STRBP: variants seen among roughly 807,000 people sequenced by gnomAD.
STRBP encodes spermatid perinuclear RNA-binding protein.
A neutral mutation model predicts 80.1 loss-of-function variants in STRBP; 13 were observed. The ratio of observed to expected loss-of-function variants is 0.16; its 90% CI spans 0.11 to 0.26. The LOEUF (loss-of-function observed/expected upper bound fraction) is 0.26. Ranked by LOEUF, STRBP falls within the 10% of genes least tolerant of loss-of-function variation. The pLI is 1.00. For missense variants in STRBP, 485 were observed against 815.2 expected, an observed-to-expected ratio of 0.59 and a Z score of 4.93; for synonymous variants, 284 against 291.2, an observed-to-expected ratio of 0.98 and a Z score of 0.25.
chr9:123,187,340 T>C (rs2038739820), intron 2 of STRBP, among the ~76,000 whole-genome samples: 1 of 152,024 alleles, frequency 6.6e-6, no homozygotes, highest in Non-Finnish European at 1.5e-5. Context: ...GCTTTGTCAC[T>C]TCCCTTATCT....
intron 3 of STRBP, among the ~76,000 whole-genome samples, chr9:123,179,946 T>C (rs999263177): frequency 1.3e-5 from 2 of 152,064 alleles, no homozygotes; most frequent in African/African-American, 4.8e-5. Context: ...CAAAGACTTC[T>C]AACCTTAGAA....
chr9:123,220,664 CCAACAAGT>C (rs1322426907), intron 2 of STRBP, among the ~76,000 whole-genome samples: 20 of 152,186 alleles, frequency 1.3e-4, no homozygotes, highest in African/African-American at 4.8e-4. Flanking sequence ...ACAATAGACT[CCAACAAGT>C]CAACAATGTA....
intron 3 of STRBP, chr9:123,111,421 GAA>G (rs1187463312): frequency 1.9e-5 from 6 of 309,612 alleles, no homozygotes; most frequent in Middle Eastern, 4.7e-4. Context: ...ACAAGGAAAA[GAA>G]AAAGAGTCTG....
At chr9:123,140,365 CGGGT>C (rs2036538172) in intron 13 of STRBP, among the ~76,000 whole-genome samples, 1 of 152,144 alleles carries the variant, frequency 6.6e-6, no homozygotes, top group South Asian at 2.1e-4. Context: ...GAAGCCAAGG[CGGGT>C]GGATCATTTG....
chr9:123,143,434 A>C (rs912046023), intron 13 of STRBP, among the ~76,000 whole-genome samples: 1 of 152,232 alleles, frequency 6.6e-6, no homozygotes, highest in African/African-American at 2.4e-5. Flanking sequence ...TGATTCTCTG[A>C]TGTGATTTGT....
At chr9:123,193,274 A>C (rs1040181298) in intron 2 of STRBP, among the ~76,000 whole-genome samples, 28 of 152,190 alleles carry the variant, frequency 1.8e-4, no homozygotes, top group African/African-American at 6.5e-4. Flanking sequence ...ATAGAATTTG[A>C]ATTCAACCCT....
At chr9:123,201,002 C>G (rs28881596) in intron 2 of STRBP, among the ~76,000 whole-genome samples, 2,351 of 151,934 alleles carry the variant, frequency 0.015, 55 homozygotes, top group East Asian at 0.072. Flanking sequence ...TTTCCTCTGG[C>G]TTTTCTAGTT....
At chr9:123,163,714 T>C (rs1242376148) in intron 6 of STRBP, among the ~76,000 whole-genome samples, 1 of 152,182 alleles carries the variant, frequency 6.6e-6, no homozygotes, top group Non-Finnish European at 1.5e-5. Flanking sequence ...TAATATACAG[T>C]TTTATGTATG....
At chr9:123,160,517 G>A (rs2037479470) in intron 7 of STRBP, 55 bp from the exon 8 acceptor site, 5 of 1,410,564 alleles carry the variant, frequency 3.5e-6, no homozygotes, top group African/African-American at 2.9e-5. Flanking sequence ...TCTTCATTTT[G>A]GGCAAGTTCT....
intron 2 of STRBP, among the ~76,000 whole-genome samples, chr9:123,187,443 C>G (rs2038743392): frequency 6.6e-6 from 1 of 152,030 alleles, no homozygotes; most frequent in Admixed American, 6.6e-5. Flanking sequence ...TAATATCTTA[C>G]AAATAGTATA....
intron 2 of STRBP, among the ~76,000 whole-genome samples, chr9:123,202,331 TC>T (rs1184110074): frequency 2.0e-5 from 3 of 152,272 alleles, no homozygotes; most frequent in African/African-American, 7.2e-5. Context: ...TTTTAAGCTT[TC>T]CACTTTGGTG....
chr9:123,267,473 G>A (rs2041295000), intron 1 of STRBP, among the ~76,000 whole-genome samples: 1 of 149,966 alleles, frequency 6.7e-6, no homozygotes, highest in African/African-American at 2.5e-5. Flanking sequence ...CCAGATACCT[G>A]CCTTTTTATC....
intron 6 of STRBP, chr9:123,168,063 C>G (rs964960369): frequency 4.0e-6 from 1 of 250,400 alleles, no homozygotes; most frequent in Non-Finnish European, 6.3e-6. Flanking sequence ...ATTAACTTAG[C>G]CTTTGGCAAC....
At chr9:123,166,425 A>G (rs2037761145) in intron 6 of STRBP, among the ~76,000 whole-genome samples, 1 of 152,180 alleles carries the variant, frequency 6.6e-6, no homozygotes, top group African/African-American at 2.4e-5. Context: ...TAAAACGAGG[A>G]AACCTACCCA....
intron 2 of STRBP, among the ~76,000 whole-genome samples, chr9:123,236,136 C>A (rs1420224797): frequency 6.6e-6 from 1 of 152,154 alleles, no homozygotes; most frequent in Non-Finnish European, 1.5e-5. Flanking sequence ...ACTCCTCCAG[C>A]TGCTCTAAAG....
chr9:123,176,360 G>A (rs1156711620), intron 4 of STRBP, among the ~76,000 whole-genome samples: 1 of 152,134 alleles, frequency 6.6e-6, no homozygotes, highest in Non-Finnish European at 1.5e-5. Flanking sequence ...TTATTCACAG[G>A]AAACTGAAGA....
chr9:123,177,612 G>C (rs2132446440), intron 4 of STRBP, among the ~76,000 whole-genome samples: 1 of 152,176 alleles, frequency 6.6e-6, no homozygotes, highest in Middle Eastern at 3.4e-3. Flanking sequence ...TAAAAGTATG[G>C]AGCATATTAT....
In STRBP at chr9:123,156,052, C is replaced by G. The variant is rs190089062; in HGVS notation, c.1045+1960G>C. Among the ~76,000 whole-genome samples the G allele has an allele frequency of 1.7e-4, 26 of 149,782 alleles. No individual in the cohort carries two copies. In the East Asian group the frequency reaches 4.5e-3, roughly 26 times the overall value. ...AACTGACAAACCAGCAGTTCCCAAA[C>G]TTTTGAGAAAGATCTTTAAAGTTAA... On this transcript the variant is annotated intron_variant, in intron 11 of 18. Transcript: ENST00000348403.
intron 1 of STRBP, among the ~76,000 whole-genome samples, chr9:123,253,059 C>T (rs1241614232): frequency 6.6e-6 from 1 of 152,176 alleles, no homozygotes; most frequent in African/African-American, 2.4e-5. Context: ...TTATGCTTCA[C>T]TGGAATTGAA....
Sources: allele counts gnomAD v4.1 joint callset (sites outside exome capture counted in the v4.1 genomes callset), GRCh38; gene constraint gnomAD v4.1.1; transcripts MANE v1.5; gene names NCBI Gene and HGNC (gene_info 2026-07-23, HGNC 2026-07-21).